Variants in TMEM40 observed in about 807,000 individuals in gnomAD.
TMEM40 encodes the protein transmembrane protein 40.
In TMEM40, 34 loss-of-function variants were observed where a neutral mutation model predicts 40.8. That is an observed-to-expected ratio of 0.83 (90% confidence interval 0.63 to 1.11). TMEM40 has a LOEUF of 1.11. TMEM40 is among the 50% of genes least tolerant of loss of function. The probability of loss-of-function intolerance (pLI) is 0.00; values close to 1 mark genes in which losing one functional copy is unlikely to be tolerated. For synonymous variants in TMEM40, 106 were observed against 107.0 expected (o/e 0.99, Z 0.06); for missense variants, 296 against 280.2 (o/e 1.06, Z -0.40).
At chr3:12,765,164 A>G (rs1392767524) in intron 1 of TMEM40, among the ~76,000 whole-genome samples, 1 of 152,040 alleles carries the variant, frequency 6.6e-6, no homozygotes, top group Non-Finnish European at 1.5e-5. Context: ...GCCTGAAGTT[A>G]AATTTTTTTA....
At chr3:12,738,690 A>C in intron 5 of TMEM40, 102 bp from the exon 6 acceptor site, 1 of 1,311,952 alleles carries the variant, frequency 7.6e-7, no homozygotes, top group Non-Finnish European at 1.1e-6. Flanking sequence ...TTCCCACTTA[A>C]TCTGGAGTCG....
chr3:12,756,812 A>T (rs1012897155), intron 1 of TMEM40, among the ~76,000 whole-genome samples: 1 of 150,700 alleles, frequency 6.6e-6, no homozygotes, highest in Admixed American at 6.6e-5. Flanking sequence ...TCTCTCTCTC[A>T]CACACACACA....
At chr3:12,760,208 C>T (rs1457273868), upstream of TMEM40, among the ~76,000 whole-genome samples, 5 of 152,106 alleles carry the variant, frequency 3.3e-5, no homozygotes, top group East Asian at 1.9e-4. Context: ...CCCTGCTCCC[C>T]GCCTCGCCCC....
chr3:12,763,744 C>G (rs1165971348), upstream of TMEM40, among the ~76,000 whole-genome samples: 1 of 152,086 alleles, frequency 6.6e-6, no homozygotes, highest in Non-Finnish European at 1.5e-5. Context: ...CACGTCAGCC[C>G]CTGCTATACC....
intron 1 of TMEM40, among the ~76,000 whole-genome samples, chr3:12,754,878 A>G (rs1249954934): frequency 6.6e-6 from 1 of 152,248 alleles, no homozygotes; most frequent in Non-Finnish European, 1.5e-5. Flanking sequence ...AGGAAAGGTC[A>G]GTACCTTGAG....
At position 12,764,782 on chromosome 3, in the gene TMEM40, A is replaced by C. The variant is rs145317825; in HGVS notation, c.-9+4469T>G. Among the ~76,000 whole-genome samples the C allele has an allele frequency of 3.1e-3, 477 of 152,302 alleles. 3 individuals carry two copies. The highest frequency in any genetic ancestry group is 0.011 in the African/African-American group (461 of 41,552). On this transcript the variant is annotated intron_variant, in intron 1 of 11. Coordinates refer to the TMEM40 transcript ENST00000264728. The stretch of plus-strand genomic sequence containing the variant: ...ATGCCTGTGTCCCTGCACCTACTTT[A>C]AAAGGCAAGGACTAAAGTTAAATTT...
At chr3:12,763,204 G>A (rs1256651541), upstream of TMEM40, among the ~76,000 whole-genome samples, 1 of 146,098 alleles carries the variant, frequency 6.8e-6, no homozygotes, top group Non-Finnish European at 1.5e-5. Context: ...CTGGCACATA[G>A]TAGGTGCTCC....
intron 1 of TMEM40, among the ~76,000 whole-genome samples, chr3:12,755,229 C>CACTTTCTTTCTTTCTT (rs2061514645): frequency 7.6e-5 from 5 of 65,504 alleles, no homozygotes; most frequent in African/African-American, 3.2e-4. Context: ...CTCTCTCTCT[C>CACTTTCTTTCTTTCTT]TCTCTCTTTC....
intron 3 of TMEM40, among the ~76,000 whole-genome samples, chr3:12,745,209 A>G (rs1284784275): frequency 6.8e-6 from 1 of 146,462 alleles, no homozygotes; most frequent in African/African-American, 2.6e-5. Flanking sequence ...ACAGGCGTGC[A>G]CCACCACACC....
Position 12,742,192 on chromosome 3 carries a change from T to A in TMEM40, c.355+262A>T, listed in dbSNP as rs556682573. Among the ~76,000 whole-genome samples the A allele has an allele frequency of 7.2e-5, 11 of 152,260 alleles. No individual in the cohort carries two copies. The South Asian group carries it at 2.3e-3, about 32-fold the overall frequency. On this transcript the variant is annotated intron_variant, in intron 5 of 11. Coordinates refer to ENST00000314124, the MANE Select transcript of TMEM40 (RefSeq NM_018306.4). ...TTGCAGTGAGCCAAGATCACACCAC[T>A]GCACTCCAGCCTGGGCGACAGAGTG...
chr3:12,740,546 C>CAAAA lies in TMEM40; in HGVS notation c.355+1904_355+1907dup, dbSNP rs780832284. ...GAAACCCCATCTCTACTAAAAATAC[C>CAAAA]AAAAAAAAAAAAAAAAAGCTTTCTG... On this transcript the variant is annotated intron_variant, in intron 5 of 11. Transcript: ENST00000314124. Among the ~76,000 whole-genome samples, 24 of 47,532 alleles carry CAAAA rather than the reference C, an allele frequency of 5.0e-4. No individual in the cohort carries two copies. In the East Asian group the frequency reaches 9.6e-3, roughly 19 times the overall value. 31.2% of individuals were successfully genotyped at this position (47,532 alleles called of 152,430 possible). A position where few individuals can be genotyped will look rare whatever the true frequency, so the allele number is the denominator to read the frequency against.
intron 8 of TMEM40, among the ~76,000 whole-genome samples, chr3:12,737,273 G>T (rs998879691): frequency 1.3e-5 from 2 of 151,382 alleles, no homozygotes; most frequent in Non-Finnish European, 2.9e-5. Context: ...AGTCCCCATG[G>T]ATTCCAGGCC....
chr3:12,736,590 A>G lies in TMEM40; in HGVS notation c.607T>C (p.Tyr203His), dbSNP rs1455019771. 12 of 1,557,344 alleles carry G rather than the reference A, an allele frequency of 7.7e-6. No individual in the cohort carries two copies. Among genetic ancestry groups the G allele is most frequent in the Non-Finnish European group, 9.6e-6 (11 of 1,150,226 alleles). Residue 203 changes from tyrosine (Y) to histidine (H), a missense_variant, in exon 10 of 12, where the codon TAC (tyrosine) becomes CAC (histidine). By Grantham distance (83) the Tyr-to-His change is moderately conservative. Transcript: ENST00000314124. ...GGGAGGGGCTTACCTAGTCCGAAGT[A>G]GATGCCAACGGTTTCCAGGGAGGCG... ...TFASLETVGIYFGLVYRIHSV... is the reference protein window; with the variant it reads ...TFASLETVGIHFGLVYRIHSV...
At chr3:12,753,211 C>CTTTTTTTTTTTTTTT (rs56739791) in intron 1 of TMEM40, among the ~76,000 whole-genome samples, 27 of 76,296 alleles carry the variant, frequency 3.5e-4, no homozygotes, top group Admixed American at 5.5e-4. Flanking sequence ...TTCTTTCTTT[C>CTTTTTTTTTTTTTTT]TTTTTTTTTT....
In TMEM40 at chr3:12,738,552, C is replaced by G; in HGVS notation, c.391+1G>C. 1 of 1,614,064 alleles carries G rather than the reference C, an allele frequency of 6.2e-7. No homozygotes were observed. The highest frequency in any genetic ancestry group is 8.5e-7 in the Non-Finnish European group (1 of 1,180,006). On this transcript the variant is annotated splice_donor_variant, in intron 6 of 11. Transcript: ENST00000314124. LOFTEE classifies it high-confidence loss of function. ...CCTCTCTCCTCTAACTGGACACTCA[C>G]CTGATTCCCCAGAGGGTACCACCTC...
chr3:12,738,100 C>T (rs749803251), intron 7 of TMEM40, 36 bp downstream of exon 7: 2 of 1,612,494 alleles, frequency 1.2e-6, no homozygotes, highest in South Asian at 1.1e-5. Flanking sequence ...GAATCCACAC[C>T]CGCTCTGGCT....
intron 1 of TMEM40, among the ~76,000 whole-genome samples, chr3:12,756,930 A>G (rs2061533292): frequency 6.6e-6 from 1 of 152,110 alleles, no homozygotes. Flanking sequence ...ATCCAGCACA[A>G]GAGCTTGTCA....
At chr3:12,755,233 C>CTCTCTCTGTCTTTCTTTCTTTCTTTCTT (rs1553634013) in intron 1 of TMEM40, among the ~76,000 whole-genome samples, 11 of 59,964 alleles carry the variant, frequency 1.8e-4, no homozygotes, top group African/African-American at 7.1e-4. Context: ...CTCTCTCTCT[C>CTCTCTCTGTCTTTCTTTCTTTCTTTCTT]TCTTTCTTTC....
chr3:12,743,146 T>G (rs1262186344), intron 4 of TMEM40, among the ~76,000 whole-genome samples: 1 of 152,228 alleles, frequency 6.6e-6, no homozygotes, highest in East Asian at 1.9e-4. Flanking sequence ...TTATTTCTTT[T>G]GCAAAAATTA....
Sources: allele counts gnomAD v4.1 joint callset (sites outside exome capture counted in the v4.1 genomes callset), GRCh38; gene constraint gnomAD v4.1.1; transcripts MANE v1.5; gene names NCBI Gene and HGNC (gene_info 2026-07-23, HGNC 2026-07-21).